CSMD3: variants seen among roughly 807,000 people sequenced by gnomAD.
CSMD3 encodes CUB and sushi domain-containing protein 3.
A neutral mutation model predicts 435.2 loss-of-function variants in CSMD3; 177 were observed. The ratio of observed to expected loss-of-function variants is 0.41; its 90% CI spans 0.36 to 0.46. CSMD3 has a LOEUF of 0.46. Ranked by LOEUF, CSMD3 falls within the 20% of genes least tolerant of loss-of-function variation. The pLI is 0.34. For missense variants in CSMD3, 4,265 were observed against 4,504.6 expected, an observed-to-expected ratio of 0.95 and a Z score of 1.52; for synonymous variants, 1,656 against 1,520.5, an observed-to-expected ratio of 1.09 and a Z score of -2.07.
intron 1 of CSMD3, among the ~76,000 whole-genome samples, chr8:113,404,447 A>G (rs2094523731): frequency 6.6e-6 from 1 of 151,432 alleles, no homozygotes; most frequent in South Asian, 2.1e-4. Flanking sequence ...AAGTTAGGAT[A>G]TGTCTTTTTC....
rs547303501 is a variant in CSMD3, at chr8:112,560,513, A to G, written c.4043-3559T>C. 5.9e-5 allele frequency among the ~76,000 whole-genome samples: 9 copies of G among 151,882 alleles called. No individual in the cohort carries two copies. The East Asian group carries it at 1.7e-3, about 29-fold the overall frequency. On this transcript the variant is annotated intron_variant, in intron 24 of 70. Coordinates refer to ENST00000297405, the MANE Select transcript of CSMD3 (RefSeq NM_198123.2). Reference sequence around the variant, plus strand: ...TGAAAAATAAAGTAATGCTGATAAGAAACTGAAATTTGAGAGACCATTTTT... The same window carrying G: ...TGAAAAATAAAGTAATGCTGATAAGGAACTGAAATTTGAGAGACCATTTTT...
intron 15 of CSMD3, among the ~76,000 whole-genome samples, chr8:112,683,289 A>G (rs1280245176): frequency 6.6e-6 from 1 of 152,032 alleles, no homozygotes; most frequent in Non-Finnish European, 1.5e-5. Flanking sequence ...TATTCAAAAG[A>G]GTAATGTTAG....
intron 6 of CSMD3, among the ~76,000 whole-genome samples, chr8:112,984,330 A>G (rs933778734): frequency 4.6e-5 from 7 of 152,092 alleles, no homozygotes; most frequent in African/African-American, 1.7e-4. Context: ...AATACCATCA[A>G]TAAACAAAGG....
intron 10 of CSMD3, among the ~76,000 whole-genome samples, chr8:112,921,399 T>C (rs760783547): frequency 4.6e-5 from 7 of 152,076 alleles, no homozygotes; most frequent in Admixed American, 2.6e-4. Flanking sequence ...TTGTATTACA[T>C]ACTTTATTCT....
intron 10 of CSMD3, among the ~76,000 whole-genome samples, chr8:112,906,764 G>A (rs1202827648): frequency 2.0e-5 from 3 of 151,266 alleles, no homozygotes; most frequent in African/African-American, 7.3e-5. Context: ...GTTTTCCACT[G>A]CTCCTCATCC....
chr8:113,051,491 T>C (rs2088092193), intron 5 of CSMD3, among the ~76,000 whole-genome samples: 1 of 152,180 alleles, frequency 6.6e-6, no homozygotes, highest in Admixed American at 6.5e-5. Context: ...AAGCTCTATT[T>C]GCAAATTTCT....
At chr8:113,301,722 TTATA>T (rs1444208580) in intron 2 of CSMD3, among the ~76,000 whole-genome samples, 2 of 152,032 alleles carry the variant, frequency 1.3e-5, no homozygotes, top group Non-Finnish European at 2.9e-5. Flanking sequence ...GTAAACTTAA[TTATA>T]TATATTTTTA....
chr8:113,232,813 GA>G (rs894357960), intron 3 of CSMD3, among the ~76,000 whole-genome samples: 2 of 151,264 alleles, frequency 1.3e-5, no homozygotes, highest in African/African-American at 4.8e-5. Context: ...CCTAAACGAA[GA>G]AAAAAAGAGG....
chr8:113,167,650 AAGC>A (rs1254479911), intron 4 of CSMD3, among the ~76,000 whole-genome samples: 1 of 152,218 alleles, frequency 6.6e-6, no homozygotes, highest in Non-Finnish European at 1.5e-5. Context: ...GGGAGTGTTG[AAGC>A]AGCACCAAGT....
chr8:112,378,706 T>A (rs1406657689), intron 38 of CSMD3, among the ~76,000 whole-genome samples: 1 of 152,092 alleles, frequency 6.6e-6, no homozygotes, highest in Non-Finnish European at 1.5e-5. Flanking sequence ...AAAAATACAG[T>A]TAGATAGAAA....
At chr8:112,348,945 T>A (rs891303278) in intron 40 of CSMD3, among the ~76,000 whole-genome samples, 1 of 152,128 alleles carries the variant, frequency 6.6e-6, no homozygotes, top group Non-Finnish European at 1.5e-5. Context: ...TATAGCAAGA[T>A]GGGAACTGTC....
intron 30 of CSMD3, among the ~76,000 whole-genome samples, chr8:112,494,556 TTTCTTTCTTTCTTTC>T (rs1466885610): frequency 1.4e-4 from 19 of 136,480 alleles, no homozygotes; most frequent in African/African-American, 4.9e-4. Flanking sequence ...TCTTTCTTTC[TTTCTTTCTTTCTTTC>T]TTTTCTTTCT....
chr8:112,352,460 C>T lies in CSMD3; in HGVS notation c.6211G>A (p.Gly2071Arg), dbSNP rs2131063032. The stretch of plus-strand genomic sequence containing the variant: ...TCACACTGAAAGGATACTACATCTC[C>T]AACCATATATCTGTCTCCAATTTTA... Reference protein sequence around the residue: ...GIKIGDRYMVGDVVSFQCDQG... With the variant: ...GIKIGDRYMVRDVVSFQCDQG... The change falls in exon 39 of 71, where the codon GGA becomes AGA. Residue 2071 changes from glycine to arginine, a missense_variant. By Grantham distance (125) the Gly-to-Arg change is moderately radical. Around this residue, in one of 3 missense-constraint regions of CSMD3, gnomAD observed 3,255 missense variants for 3,380.2 expected, o/e 0.96. Coordinates refer to ENST00000297405, the MANE Select transcript of CSMD3 (RefSeq NM_198123.2). 6.2e-7 allele frequency: 1 copy of T among 1,613,654 alleles called. No individual in the cohort carries two copies. The highest frequency in any genetic ancestry group is 8.5e-7 in the Non-Finnish European group (1 of 1,179,766).
At chr8:112,375,936 TTA>T (rs1376698168) in intron 38 of CSMD3, among the ~76,000 whole-genome samples, 3 of 152,114 alleles carry the variant, frequency 2.0e-5, no homozygotes, top group African/African-American at 7.2e-5. Flanking sequence ...CCCTCAAATC[TTA>T]TATACCAACC....
At chr8:113,400,489 T>C (rs1160974544) in intron 1 of CSMD3, among the ~76,000 whole-genome samples, 1 of 152,022 alleles carries the variant, frequency 6.6e-6, no homozygotes, top group Non-Finnish European at 1.5e-5. Context: ...ATGATACTTT[T>C]AATATATTTT....
chr8:112,800,044 T>C (rs2132328461), intron 13 of CSMD3, 118 bp downstream of exon 13: 1 of 702,968 alleles, frequency 1.4e-6, no homozygotes, highest in Non-Finnish European at 2.6e-6. Context: ...TGATCTTTGT[T>C]GAAATGTAGC....
intron 9 of CSMD3, among the ~76,000 whole-genome samples, chr8:112,927,633 G>T (rs887893361): frequency 6.6e-6 from 1 of 152,062 alleles, no homozygotes; most frequent in Non-Finnish European, 1.5e-5. Flanking sequence ...CTGACTCTAA[G>T]TTACATTGAT....
intron 53 of CSMD3, among the ~76,000 whole-genome samples, chr8:112,300,898 G>T (rs1282485467): frequency 1.3e-5 from 2 of 152,062 alleles, no homozygotes; most frequent in African/African-American, 4.8e-5. Flanking sequence ...TCTGCCATGT[G>T]TCATATTCTT....
At chr8:112,308,985 G>A (rs1428398372) in intron 50 of CSMD3, among the ~76,000 whole-genome samples, 1 of 151,932 alleles carries the variant, frequency 6.6e-6, no homozygotes, top group Non-Finnish European at 1.5e-5. Context: ...GTCATATCCT[G>A]TAAGCATTTT....
Sources: allele counts gnomAD v4.1 joint callset (sites outside exome capture counted in the v4.1 genomes callset), GRCh38; gene constraint gnomAD v4.1.1; regional missense constraint gnomAD v4.1.1; transcripts MANE v1.5; gene names NCBI Gene and HGNC (gene_info 2026-07-23, HGNC 2026-07-21).